Variants in SDK1 observed in about 807,000 individuals in gnomAD.
SDK1 encodes the protein sidekick cell adhesion molecule 1.
Under a neutral mutation model 245.5 loss-of-function variants are expected in SDK1, and 157 were observed. That is an observed-to-expected ratio of 0.64 (90% CI 0.56 to 0.73). The LOEUF (loss-of-function observed/expected upper bound fraction) is 0.73, where lower values mean the gene tolerates loss of function less well. SDK1 is among the 30% of genes least tolerant of loss of function. The pLI, the probability that SDK1 is intolerant of heterozygous loss-of-function variation, is 0.00. For missense variants in SDK1, 3,583 were observed against 3,002.3 expected, an observed-to-expected ratio of 1.19 and a Z score of -4.52; for synonymous variants, 1,647 against 1,278.5, an observed-to-expected ratio of 1.29 and a Z score of -6.15.
In SDK1 at chr7:3,356,312, A is replaced by C. The variant is rs574669238; in HGVS notation, c.298+54428A>C. 2.0e-5 allele frequency among the ~76,000 whole-genome samples: 3 copies of C among 152,282 alleles called. No homozygotes were observed. In the South Asian group the frequency reaches 6.2e-4, roughly 32 times the overall value. ...GTGCATAAAGCAGATGTACAGTTCA[A>C]CCAACTGTAAAATAAACATCTGGGC... On this transcript the variant is annotated intron_variant, in intron 1 of 44. Transcript: ENST00000404826.
chr7:3,368,101 G>A (rs76000524), intron 1 of SDK1, among the ~76,000 whole-genome samples: 3,625 of 152,290 alleles, frequency 0.024, 157 homozygotes, highest in African/African-American at 0.082. Context: ...ATTTTTGTAA[G>A]TATATTATTG....
chr7:3,740,690 G>A (rs1019970000), intron 4 of SDK1, among the ~76,000 whole-genome samples: 4 of 152,160 alleles, frequency 2.6e-5, no homozygotes, highest in Non-Finnish European at 5.9e-5. Flanking sequence ...TATGGGAATA[G>A]GGCAAGTTAA....
chr7:4,075,457 G>C (rs1005898217), intron 20 of SDK1, among the ~76,000 whole-genome samples: 2 of 152,176 alleles, frequency 1.3e-5, no homozygotes, highest in African/African-American at 4.8e-5. Flanking sequence ...GTGCGTCCTA[G>C]CGCTTCTATA....
chr7:3,726,320 C>G (rs183227056), intron 4 of SDK1, among the ~76,000 whole-genome samples: 1 of 152,142 alleles, frequency 6.6e-6, no homozygotes, highest in Non-Finnish European at 1.5e-5. Context: ...GTGTGAAGAA[C>G]GAAGTTAGTG....
At chr7:3,396,094 T>C (rs944792075) in intron 1 of SDK1, among the ~76,000 whole-genome samples, 3 of 151,914 alleles carry the variant, frequency 2.0e-5, no homozygotes, top group Non-Finnish European at 4.4e-5. Context: ...GTTAACACTA[T>C]ACGTTTTTTT....
chr7:4,010,869 C>A, intron 14 of SDK1, 97 bp from the exon 15 acceptor site: 7 of 1,284,234 alleles, frequency 5.5e-6, no homozygotes, highest in Non-Finnish European at 7.7e-6. Flanking sequence ...TCCTGCTAAG[C>A]AAATGAGATG....
chr7:3,544,510 A>G lies in SDK1; in HGVS notation c.299-74570A>G, dbSNP rs556426087. Among the ~76,000 whole-genome samples the G allele has an allele frequency of 1.1e-3, 172 of 152,364 alleles. 1 individual carries two copies. Among genetic ancestry groups the G allele is most frequent in the African/African-American group, 3.9e-3 (164 of 41,586 alleles). ...CTGCTCTCTTGGCTTAAGTTTCTTCACATGGAAAATGAGTCGTTGGCCTAA... is the reference window on the plus strand; with the variant it reads ...CTGCTCTCTTGGCTTAAGTTTCTTCGCATGGAAAATGAGTCGTTGGCCTAA... On this transcript the variant is annotated intron_variant, in intron 1 of 44. Transcript: ENST00000404826.
chr7:3,365,671 G>A lies in SDK1; in HGVS notation c.298+63787G>A, dbSNP rs574159771. Reference sequence around the variant, plus strand: ...ATTTCCTTGCAGGTTTTTTTGAAGGGCATAGTCCTTTCAATATATACTGCT... The same window carrying A: ...ATTTCCTTGCAGGTTTTTTTGAAGGACATAGTCCTTTCAATATATACTGCT... On this transcript the variant is annotated intron_variant, in intron 1 of 44. Transcript: ENST00000404826. Among the ~76,000 whole-genome samples, 31 of 152,088 alleles carry A rather than the reference G, an allele frequency of 2.0e-4. No homozygotes were observed. In the South Asian group the frequency reaches 4.4e-3, roughly 21 times the overall value.
At chr7:4,165,046 T>A (rs1313339535) in intron 32 of SDK1, among the ~76,000 whole-genome samples, 2 of 152,226 alleles carry the variant, frequency 1.3e-5, no homozygotes, top group Non-Finnish European at 2.9e-5. Context: ...AAACCTTTTG[T>A]GTTTTTTGTT....
intron 1 of SDK1, among the ~76,000 whole-genome samples, chr7:3,306,396 A>G (rs918044300): frequency 2.0e-4 from 31 of 152,176 alleles, no homozygotes; most frequent in Middle Eastern, 3.2e-3. Flanking sequence ...AGACCACCCC[A>G]GAATGGACTA....
At chr7:3,343,597 C>A (rs934065595) in intron 1 of SDK1, among the ~76,000 whole-genome samples, 1 of 152,142 alleles carries the variant, frequency 6.6e-6, no homozygotes, top group African/African-American at 2.4e-5. Flanking sequence ...TGTCAATAAT[C>A]TGTATGTGGT....
intron 7 of SDK1, among the ~76,000 whole-genome samples, chr7:3,954,810 C>A (rs934625312): frequency 2.6e-5 from 4 of 151,584 alleles, no homozygotes; most frequent in Non-Finnish European, 5.9e-5. Flanking sequence ...CACAGAGGCT[C>A]TGAAATAGTG....
intron 32 of SDK1, among the ~76,000 whole-genome samples, chr7:4,163,270 G>A (rs140065559): frequency 9.9e-5 from 15 of 152,262 alleles, no homozygotes; most frequent in African/African-American, 3.6e-4. Flanking sequence ...TGGTGGGCAC[G>A]AGATTCTTCC....
intron 1 of SDK1, among the ~76,000 whole-genome samples, chr7:3,604,864 A>G (rs886281406): frequency 1.3e-5 from 2 of 151,732 alleles, no homozygotes; most frequent in Non-Finnish European, 2.9e-5. Flanking sequence ...GGCCTCCCAA[A>G]GTGCTAGGAT....
At chr7:3,337,818 A>C (rs923613199) in intron 1 of SDK1, 2 of 152,178 alleles carry the variant, frequency 1.3e-5, no homozygotes, top group African/African-American at 4.8e-5. Context: ...GAATGAGGGG[A>C]AAAGGAAAAC....
At position 3,542,607 on chromosome 7, in the gene SDK1, A is replaced by G. The variant is rs28529469; in HGVS notation, c.299-76473A>G. 2.2e-3 allele frequency among the ~76,000 whole-genome samples: 340 copies of G among 152,364 alleles called. 4 individuals are homozygous for G. Among genetic ancestry groups the G allele is most frequent in the African/African-American group, 7.9e-3 (327 of 41,594 alleles). On this transcript the variant is annotated intron_variant, in intron 1 of 44. Coordinates refer to ENST00000404826, the MANE Select transcript of SDK1 (RefSeq NM_152744.4). Reference sequence around the variant, plus strand: ...TAAAATAGCATTGATCTTTTAATCAATAACATTATTAAAATAAAAATGTTT... The same window carrying G: ...TAAAATAGCATTGATCTTTTAATCAGTAACATTATTAAAATAAAAATGTTT...
chr7:4,121,150 CTT>C (rs1359112300), intron 25 of SDK1, among the ~76,000 whole-genome samples: 1 of 151,918 alleles, frequency 6.6e-6, no homozygotes, highest in African/African-American at 2.4e-5. Context: ...CCTGAGGAGA[CTT>C]TCTCTAGCGA....
chr7:4,135,515 G>A (rs71527472), intron 28 of SDK1, among the ~76,000 whole-genome samples: 9 of 152,248 alleles, frequency 5.9e-5, no homozygotes, highest in Admixed American at 1.3e-4. Context: ...CAGATGGCAC[G>A]AACCTTGGGG....
chr7:4,015,165 G>A (rs372667591), intron 16 of SDK1, among the ~76,000 whole-genome samples: 26 of 152,048 alleles, frequency 1.7e-4, no homozygotes, highest in African/African-American at 4.1e-4. Flanking sequence ...TGCTACTGTC[G>A]TACCCACCTT....
Sources: allele counts gnomAD v4.1 joint callset (sites outside exome capture counted in the v4.1 genomes callset), GRCh38; gene constraint gnomAD v4.1.1; transcripts MANE v1.5; gene names NCBI Gene and HGNC (gene_info 2026-07-23, HGNC 2026-07-21).